Variants in SLC36A4 observed in about 807,000 individuals in gnomAD.
The protein encoded by SLC36A4 is solute carrier family 36 member 4.
In SLC36A4, 49 loss-of-function variants were observed where a neutral mutation model predicts 50.5. The observed-to-expected ratio is 0.97, with a 90% confidence interval of 0.77 to 1.23. SLC36A4 has a LOEUF of 1.23. SLC36A4 is among the 50% of genes most tolerant of loss of function. The pLI is 0.00. For missense variants in SLC36A4, 611 were observed against 608.4 expected, an observed-to-expected ratio of 1.00 and a Z score of -0.05; for synonymous variants, 207 against 206.5, an observed-to-expected ratio of 1.00 and a Z score of -0.02.
chr11:93,185,780 C>A lies in SLC36A4; in HGVS notation c.90G>T (p.Gln30His), dbSNP rs779825611. ...CTTCATCTGATGTCCCATCAAAATT[C>A]TGCTCATTTATCAAGGGCCTCATTA... ...MDVMRPLINE[Q>H]NFDGTSDEEH... Residue 30 changes from glutamine to histidine, a missense_variant, in exon 2 of 11, where the codon CAG (glutamine) becomes CAT (histidine). Transcript: ENST00000326402. The A allele has an allele frequency of 1.2e-6, 2 of 1,608,382 alleles. No homozygotes were observed. Among genetic ancestry groups the A allele is most frequent in the Non-Finnish European group, 1.7e-6 (2 of 1,178,566 alleles).
At chr11:93,160,127 T>C (rs1590939883) in intron 9 of SLC36A4, 2 of 985,168 alleles carry the variant, frequency 2.0e-6, no homozygotes, top group Non-Finnish European at 1.2e-6. Context: ...CTTTACAGAA[T>C]GCCATGACTG....
chr11:93,194,253 T>C (rs187568380), intron 1 of SLC36A4, among the ~76,000 whole-genome samples: 1 of 152,216 alleles, frequency 6.6e-6, no homozygotes, highest in East Asian at 1.9e-4. Flanking sequence ...AAAGTAGTTG[T>C]AGCAAACTTG....
intron 10 of SLC36A4, chr11:93,152,098 A>T (rs1860115843): frequency 6.6e-6 from 1 of 152,120 alleles, no homozygotes; most frequent in African/African-American, 2.4e-5. Flanking sequence ...AACATAATCC[A>T]AGCTGATAAG....
At chr11:93,173,325 C>T (rs1331065877) in intron 6 of SLC36A4, among the ~76,000 whole-genome samples, 1 of 148,324 alleles carries the variant, frequency 6.7e-6, no homozygotes, top group Non-Finnish European at 1.5e-5. Flanking sequence ...TGTTTGAGTT[C>T]ATTGTAGATT....
intron 9 of SLC36A4, among the ~76,000 whole-genome samples, chr11:93,158,826 C>T (rs1458463884): frequency 1.3e-5 from 2 of 151,970 alleles, no homozygotes; most frequent in African/African-American, 2.4e-5. Flanking sequence ...AAAAATCTAC[C>T]CAGTAAACCC....
At chr11:93,173,931 C>A (rs1349544335) in intron 6 of SLC36A4, among the ~76,000 whole-genome samples, 2 of 142,472 alleles carry the variant, frequency 1.4e-5, no homozygotes, top group East Asian at 4.2e-4. Context: ...GCGATGCGGG[C>A]TCTTTTTTGG....
chr11:93,165,403 CA>C (rs1860814730), intron 8 of SLC36A4, among the ~76,000 whole-genome samples: 1 of 152,088 alleles, frequency 6.6e-6, no homozygotes, highest in South Asian at 2.1e-4. Flanking sequence ...TTTCTCAAAA[CA>C]AACATTATAT....
At chr11:93,180,177 A>T in intron 6 of SLC36A4, 2 of 982,970 alleles carry the variant, frequency 2.0e-6, no homozygotes, top group Non-Finnish European at 2.4e-6. Flanking sequence ...GAATAATGAT[A>T]CCAGTCATAA....
At chr11:93,180,492 G>C (rs1021781271) in intron 6 of SLC36A4, among the ~76,000 whole-genome samples, 13 of 152,192 alleles carry the variant, frequency 8.5e-5, no homozygotes, top group African/African-American at 3.1e-4. Flanking sequence ...TAAAGAATAT[G>C]CTTCCAAAGC....
At chr11:93,155,520 T>C (rs1456266480) in intron 9 of SLC36A4, 6 of 152,172 alleles carry the variant, frequency 3.9e-5, no homozygotes, top group African/African-American at 9.7e-5. Flanking sequence ...TATAAGTATA[T>C]AAATGTCGAC....
At chr11:93,188,089 C>G (rs370383539) in intron 1 of SLC36A4, among the ~76,000 whole-genome samples, 1 of 152,206 alleles carries the variant, frequency 6.6e-6, no homozygotes, top group African/African-American at 2.4e-5. Context: ...TCCCCTCCCC[C>G]ACTCTCCATG....
intron 6 of SLC36A4, among the ~76,000 whole-genome samples, chr11:93,168,690 A>T (rs1319371814): frequency 6.6e-6 from 1 of 152,072 alleles, no homozygotes; most frequent in East Asian, 1.9e-4. Context: ...GCAATTATTT[A>T]TAAATTATCA....
At chr11:93,154,956 A>AT (rs1456874453) in intron 9 of SLC36A4, 36 of 152,234 alleles carry the variant, frequency 2.4e-4, no homozygotes, top group African/African-American at 8.4e-4. Context: ...AGTTTTATAA[A>AT]TATCTTTAGA....
At chr11:93,156,295 C>T (rs892489572) in intron 9 of SLC36A4, among the ~76,000 whole-genome samples, 2 of 152,028 alleles carry the variant, frequency 1.3e-5, no homozygotes, top group Non-Finnish European at 2.9e-5. Flanking sequence ...GGGATGGTAT[C>T]ACACTGTGGT....
Position 93,148,658 on chromosome 11 carries a change from A to G in SLC36A4, c.1394T>C (p.Leu465Ser). Residue 465 changes from leucine (L) to serine (S), a missense_variant, in exon 11 of 11, where the codon TTA becomes TCA. Transcript: ENST00000326402. ...SIAFTGVVGF[L>S]LGTYITVEEI... Reference sequence around the variant, plus strand: ...TTCAACAGTTATATATGTACCTAATAAGAAGCCAACAACTCCAGTGAATGC... The same window carrying G: ...TTCAACAGTTATATATGTACCTAATGAGAAGCCAACAACTCCAGTGAATGC... The G allele has an allele frequency of 1.9e-6, 3 of 1,612,932 alleles. No individual in the cohort carries two copies. Among genetic ancestry groups the G allele is most frequent in the Non-Finnish European group, 2.5e-6 (3 of 1,179,304 alleles).
intron 1 of SLC36A4, among the ~76,000 whole-genome samples, chr11:93,196,257 G>A (rs10831007): frequency 6.6e-6 from 1 of 152,102 alleles, no homozygotes; most frequent in Admixed American, 6.5e-5. Flanking sequence ...TTGTACTTTA[G>A]TTAACAGCTT....
At chr11:93,150,634 A>T (rs1391529007) in intron 10 of SLC36A4, among the ~76,000 whole-genome samples, 2 of 152,082 alleles carry the variant, frequency 1.3e-5, no homozygotes, top group African/African-American at 4.8e-5. Context: ...AACTAGCTCT[A>T]AAGACCTCGA....
At chr11:93,184,381 T>G in intron 3 of SLC36A4, 49 bp downstream of exon 3, 1 of 1,136,354 alleles carries the variant, frequency 8.8e-7, no homozygotes, top group Non-Finnish European at 1.3e-6. Context: ...TTGCTATAAA[T>G]GAGACTGAGA....
At chr11:93,192,762 C>T (rs554210769) in intron 1 of SLC36A4, among the ~76,000 whole-genome samples, 2 of 152,244 alleles carry the variant, frequency 1.3e-5, no homozygotes, top group East Asian at 3.9e-4. Flanking sequence ...AACCATATAA[C>T]TAAAGGCTAT....
Sources: allele counts gnomAD v4.1 joint callset (sites outside exome capture counted in the v4.1 genomes callset), GRCh38; gene constraint gnomAD v4.1.1; transcripts MANE v1.5; gene names NCBI Gene and HGNC (gene_info 2026-07-23, HGNC 2026-07-21).